The following ORC3 variants were observed in gnomAD, a reference collection of about 807,000 sequenced individuals.
The protein encoded by ORC3 is homolog of latheo, Drosophila.
In ORC3, 78 loss-of-function variants were observed where a neutral mutation model predicts 100.7. The ratio of observed to expected loss-of-function variants is 0.77; its 90% CI spans 0.65 to 0.94. The LOEUF (loss-of-function observed/expected upper bound fraction) is 0.94, where lower values mean the gene tolerates loss of function less well. Ranked by LOEUF, ORC3 falls within the 40% of genes least tolerant of loss-of-function variation. The pLI is 0.00. For missense variants in ORC3, 789 were observed against 823.9 expected, an observed-to-expected ratio of 0.96 and a Z score of 0.52; for synonymous variants, 295 against 289.3, an observed-to-expected ratio of 1.02 and a Z score of -0.20.
At chr6:87,635,410 A>G (rs1247023581) in intron 12 of ORC3, among the ~76,000 whole-genome samples, 1 of 152,230 alleles carries the variant, frequency 6.6e-6, no homozygotes, top group South Asian at 2.1e-4. Context: ...CGATAAACCT[A>G]TCAACCATCT....
intron 9 of ORC3, among the ~76,000 whole-genome samples, chr6:87,616,878 G>A (rs1779193730): frequency 6.6e-6 from 1 of 151,706 alleles, no homozygotes; most frequent in Admixed American, 6.6e-5. Context: ...TCAGCTCACT[G>A]CAACCTTCGC....
chr6:87,677,195 C>A, the ORC3 span, among the ~76,000 whole-genome samples: 2 of 151,860 alleles, frequency 1.3e-5, no homozygotes, highest in Non-Finnish European at 2.9e-5. Context: ...AATAGGATAA[C>A]AAAAGCTAAC....
At chr6:87,635,464 C>G (rs1425628041) in intron 12 of ORC3, among the ~76,000 whole-genome samples, 1 of 152,168 alleles carries the variant, frequency 6.6e-6, no homozygotes, top group Non-Finnish European at 1.5e-5. Context: ...CCTAAATCAT[C>G]TTAGCTCAAA....
intron 4 of ORC3, among the ~76,000 whole-genome samples, chr6:87,603,740 A>G (rs1329190475): frequency 1.3e-5 from 2 of 152,196 alleles, no homozygotes; most frequent in Non-Finnish European, 2.9e-5. Context: ...TTTGTAAATT[A>G]AAAGGAATTT....
chr6:87,676,484 C>CG, the ORC3 span, among the ~76,000 whole-genome samples: 1 of 145,356 alleles, frequency 6.9e-6, no homozygotes, highest in Non-Finnish European at 1.5e-5. Flanking sequence ...AGGCCGGGCG[C>CG]GGTGGCTCAC....
intron 13 of ORC3, among the ~76,000 whole-genome samples, chr6:87,652,352 T>C (rs893615229): frequency 6.6e-6 from 1 of 152,226 alleles, no homozygotes; most frequent in Non-Finnish European, 1.5e-5. Context: ...GGAGAAATCC[T>C]GTAAACTCCA....
chr6:87,657,972 G>A lies in ORC3; in HGVS notation c.1645G>A (p.Glu549Lys). Residue 549 changes from glutamate (E) to lysine (K), a missense_variant, in exon 16 of 20, where the codon GAA (glutamate) becomes AAA (lysine). Physicochemically the swap from Glu to Lys is moderately conservative, Grantham distance 56. This residue lies in a region of ORC3 where 366 missense variants were observed against 394.2 expected (regional missense o/e 0.93). Transcript: ENST00000392844. ...AAGAAGTAAGAAGCAAACCAAATTT[G>A]AAGTACTCAGAGAAAATGTTGTGAA... ...LRRSKKQTKF[E>K]VLRENVVNFI... 6.2e-7 allele frequency: 1 copy of A among 1,606,012 alleles called. No homozygotes were observed. The highest frequency in any genetic ancestry group is 8.5e-7 in the Non-Finnish European group (1 of 1,172,922).
chr6:87,652,481 T>A (rs1397033619), intron 13 of ORC3, among the ~76,000 whole-genome samples: 1 of 152,244 alleles, frequency 6.6e-6, no homozygotes, highest in Non-Finnish European at 1.5e-5. Flanking sequence ...AACAATTAGA[T>A]CTGCCTACTT....
chr6:87,630,528 G>T (rs1416019319), intron 11 of ORC3, among the ~76,000 whole-genome samples: 1 of 152,204 alleles, frequency 6.6e-6, no homozygotes, highest in East Asian at 1.9e-4. Context: ...TGAGAATACA[G>T]GAGTGAACCA....
intron 5 of ORC3, 59 bp downstream of exon 5, chr6:87,606,080 T>C (rs1778320074): frequency 2.1e-6 from 2 of 937,364 alleles, no homozygotes; most frequent in Non-Finnish European, 3.4e-6. Flanking sequence ...TTTCATCCTT[T>C]TCTCTCTTTT....
At chr6:87,599,551 A>G (rs569645118) in intron 2 of ORC3, among the ~76,000 whole-genome samples, 8 of 151,968 alleles carry the variant, frequency 5.3e-5, no homozygotes, top group Non-Finnish European at 8.8e-5. Flanking sequence ...TATTTTTAGC[A>G]GAGATGGGGT....
At chr6:87,659,229 A>C (rs779206461) in intron 16 of ORC3, among the ~76,000 whole-genome samples, 8 of 151,396 alleles carry the variant, frequency 5.3e-5, no homozygotes, top group Non-Finnish European at 1.0e-4. Context: ...AGGCCTGGCT[A>C]ATTTTTGTAT....
chr6:87,659,287 C>T (rs557754985), intron 16 of ORC3, among the ~76,000 whole-genome samples: 2 of 151,846 alleles, frequency 1.3e-5, no homozygotes, highest in African/African-American at 4.8e-5. Context: ...TGGTCCTGAA[C>T]TCCTGACCTC....
At chr6:87,647,271 C>T (rs1294929286) in intron 13 of ORC3, among the ~76,000 whole-genome samples, 1 of 152,194 alleles carries the variant, frequency 6.6e-6, no homozygotes, top group Non-Finnish European at 1.5e-5. Flanking sequence ...CATGGCCTCT[C>T]TCTGATTACT....
chr6:87,632,189 T>A (rs1181449563), intron 11 of ORC3, among the ~76,000 whole-genome samples: 1 of 152,058 alleles, frequency 6.6e-6, no homozygotes. Flanking sequence ...AAAAAAGAAT[T>A]ATTGTTTGAA....
At position 87,653,734 on chromosome 6, in the gene ORC3, T is replaced by C. The variant is rs940360482; in HGVS notation, c.1516+485T>C. 7.9e-5 allele frequency among the ~76,000 whole-genome samples: 12 copies of C among 152,248 alleles called. 2 individuals carry two copies. ...GGTATGTTGATTACCAAAATCTGCA[T>C]GAGGCTTACTTTAATCGGATTTACA... On this transcript the variant is annotated intron_variant, in intron 14 of 19. Coordinates refer to ENST00000392844, the MANE Select transcript of ORC3 (RefSeq NM_012381.4).
intron 11 of ORC3, among the ~76,000 whole-genome samples, chr6:87,628,572 T>G (rs961060655): frequency 6.6e-6 from 1 of 152,190 alleles, no homozygotes; most frequent in Non-Finnish European, 1.5e-5. Flanking sequence ...TTTAAATCCT[T>G]TTAGAGTGAG....
intron 1 of ORC3, among the ~76,000 whole-genome samples, chr6:87,591,951 G>A (rs1027240543): frequency 2.0e-4 from 31 of 152,068 alleles, no homozygotes; most frequent in African/African-American, 5.3e-4. Context: ...GGCGGGTCTC[G>A]AACTCCTGAC....
intron 16 of ORC3, among the ~76,000 whole-genome samples, chr6:87,661,443 C>CA (rs1254671916): frequency 6.6e-6 from 1 of 151,988 alleles, no homozygotes; most frequent in Non-Finnish European, 1.5e-5. Flanking sequence ...TTAGAATGAG[C>CA]AAGGGGTCAT....
Sources: allele counts gnomAD v4.1 joint callset (sites outside exome capture counted in the v4.1 genomes callset), GRCh38; gene constraint gnomAD v4.1.1; regional missense constraint gnomAD v4.1.1; transcripts MANE v1.5; gene names NCBI Gene and HGNC (gene_info 2026-07-23, HGNC 2026-07-21).